Variants in SRGAP3 observed in about 807,000 individuals in gnomAD.
The protein encoded by SRGAP3 is SLIT-ROBO Rho GTPase activating protein 3.
SRGAP3 carries 39 observed loss-of-function variants against 121.1 expected under a neutral mutation model. The ratio of observed to expected loss-of-function variants is 0.32; its 90% CI spans 0.25 to 0.42. The LOEUF (loss-of-function observed/expected upper bound fraction) is 0.42, where lower values mean the gene tolerates loss of function less well. Among genes scored for constraint, SRGAP3 ranks in the 10% least tolerant of loss-of-function variants. SRGAP3 has a pLI of 1.00. For synonymous variants in SRGAP3, 601 were observed against 570.0 expected, an observed-to-expected ratio of 1.05 and a Z score of -0.77; for missense variants, 1,213 against 1,470.6, an observed-to-expected ratio of 0.82 and a Z score of 2.86.
At chr3:9,090,944 C>A (rs1193919079) in intron 3 of SRGAP3, among the ~76,000 whole-genome samples, 1 of 152,080 alleles carries the variant, frequency 6.6e-6, no homozygotes, top group Non-Finnish European at 1.5e-5. Context: ...GCCTGAAAAG[C>A]TCTGTTTTTA....
intron 1 of SRGAP3, among the ~76,000 whole-genome samples, chr3:9,136,830 C>T (rs1949682933): frequency 6.6e-6 from 1 of 152,132 alleles, no homozygotes; most frequent in South Asian, 2.1e-4. Context: ...GAGTCTGCCC[C>T]TCATCAATAG....
At chr3:9,048,615 G>T (rs1945404760) in intron 9 of SRGAP3, among the ~76,000 whole-genome samples, 1 of 152,182 alleles carries the variant, frequency 6.6e-6, no homozygotes, top group South Asian at 2.1e-4. Context: ...AAGGCCTGAA[G>T]TTCAAGACAA....
chr3:9,102,893 T>C (rs1485519497), intron 3 of SRGAP3, among the ~76,000 whole-genome samples: 2 of 152,104 alleles, frequency 1.3e-5, no homozygotes, highest in African/African-American at 4.8e-5. Context: ...TCTCTGTGAG[T>C]CACTCCCACC....
chr3:9,306,646 T>C (rs1955166071), intron 3 of SRGAP3, among the ~76,000 whole-genome samples: 1 of 152,204 alleles, frequency 6.6e-6, no homozygotes, highest in Admixed American at 6.5e-5. Flanking sequence ...CTAGCCAGTT[T>C]TCCCAGCACC....
At chr3:9,067,752 T>A (rs964236749) in intron 4 of SRGAP3, among the ~76,000 whole-genome samples, 3 of 152,162 alleles carry the variant, frequency 2.0e-5, no homozygotes, top group African/African-American at 7.2e-5. Context: ...GGCACACGTT[T>A]ACCTATGTAA....
Position 9,359,035 on chromosome 3 carries a change from A to G in SRGAP3, n.214+3805T>C, listed in dbSNP as rs368685618. Among the ~76,000 whole-genome samples, 4 of 152,334 alleles carry G rather than the reference A, an allele frequency of 2.6e-5. No individual in the cohort carries two copies. The South Asian group carries it at 6.2e-4, about 24-fold the overall frequency. On this transcript the variant is annotated intron_variant and non_coding_transcript_variant, in intron 1 of 3. Transcript: ENST00000490889. ...AAGCTTAACACCATCTTGAGGTTAC[A>G]GAAAGAACACGGACTTGGATCCTGG...
chr3:9,109,938 A>G lies in SRGAP3; in HGVS notation c.261-5096T>C, dbSNP rs1948556094. Among the ~76,000 whole-genome samples, 1 of 152,062 alleles carries G rather than the reference A, an allele frequency of 6.6e-6. No individual in the cohort carries two copies. Among genetic ancestry groups the G allele is most frequent in the African/African-American group, 2.4e-5 (1 of 41,406 alleles). On this transcript the variant is annotated intron_variant, in intron 2 of 21. Coordinates refer to ENST00000383836, the MANE Select transcript of SRGAP3 (RefSeq NM_014850.4). This position sits in a 1 kb window ranked among gnomAD's most constrained non-coding sequence, Gnocchi z 4.4. ...GAGTGAGGACAGCAGGTGAACATGGAGACTGAGGCAGGGGCCACTTGGGAA... is the reference window on the plus strand; with the variant it reads ...GAGTGAGGACAGCAGGTGAACATGGGGACTGAGGCAGGGGCCACTTGGGAA...
At chr3:9,139,864 G>T (rs1261474521) in intron 1 of SRGAP3, among the ~76,000 whole-genome samples, 2 of 152,078 alleles carry the variant, frequency 1.3e-5, no homozygotes, top group Admixed American at 1.3e-4. Context: ...GTCAGCTGAG[G>T]CCTCATGAAG....
intron 3 of SRGAP3, among the ~76,000 whole-genome samples, chr3:9,261,517 G>A (rs964124404): frequency 1.3e-5 from 2 of 151,734 alleles, no homozygotes; most frequent in Non-Finnish European, 2.9e-5. Flanking sequence ...TGACCTGATG[G>A]AACTGAAAAA....
chr3:9,303,579 A>G (rs574678761), intron 3 of SRGAP3, among the ~76,000 whole-genome samples: 2 of 152,318 alleles, frequency 1.3e-5, no homozygotes, highest in African/African-American at 4.8e-5. Context: ...TTGTTGATTT[A>G]GCTAACACTT....
In SRGAP3 at chr3:9,067,006, G is replaced by A. The variant is rs558745597; in HGVS notation, c.487-2425C>T. Reference sequence around the variant, plus strand: ...CAACCTCTCTGACCTCTGCTTCCTCGTCTGTAAAAATGGGATAAAAATTTA... The same window carrying A: ...CAACCTCTCTGACCTCTGCTTCCTCATCTGTAAAAATGGGATAAAAATTTA... On this transcript the variant is annotated intron_variant, in intron 4 of 21. Coordinates refer to ENST00000383836, the MANE Select transcript of SRGAP3 (RefSeq NM_014850.4). Among the ~76,000 whole-genome samples the A allele has an allele frequency of 3.7e-3, 559 of 152,196 alleles. 3 individuals are homozygous for A. The highest frequency in any genetic ancestry group is 0.013 in the African/African-American group (531 of 41,520).
rs147207531 is a variant in SRGAP3 at position 9,303,190 on chromosome 3, C to T, written n.442+22820G>A. Among the ~76,000 whole-genome samples the T allele has an allele frequency of 4.3e-3, 649 of 152,150 alleles. 6 individuals are homozygous for T. The highest frequency in any genetic ancestry group is 0.014 in the African/African-American group (588 of 41,516). On this transcript the variant is annotated intron_variant and non_coding_transcript_variant, in intron 3 of 3. Transcript: ENST00000490889. ...CTGTAATCCCAGCACTTTGGGAGGCCTAGGCGGGCAGATTACTTGAGGCCA... is the reference window on the plus strand; with the variant it reads ...CTGTAATCCCAGCACTTTGGGAGGCTTAGGCGGGCAGATTACTTGAGGCCA...
At chr3:9,002,331 A>G (rs574833566) in intron 18 of SRGAP3, among the ~76,000 whole-genome samples, 39 of 152,358 alleles carry the variant, frequency 2.6e-4, no homozygotes, top group African/African-American at 9.1e-4. Flanking sequence ...ATTATACAGC[A>G]TACTGCTAAA....
chr3:9,319,155 T>C (rs1487949142), intron 3 of SRGAP3, among the ~76,000 whole-genome samples: 1 of 151,934 alleles, frequency 6.6e-6, no homozygotes, highest in African/African-American at 2.4e-5. Context: ...GTGAAGTAGA[T>C]GTCATTCACT....
Position 8,994,584 on chromosome 3 carries a change from T to C in SRGAP3, c.2228-61A>G. Reference sequence around the variant, plus strand: ...TCAGCAAAGTGGCAGCTCAGGAGCCTCACTCAGATGGCCCTGGCTTCTCTG... The same window carrying C: ...TCAGCAAAGTGGCAGCTCAGGAGCCCCACTCAGATGGCCCTGGCTTCTCTG... On this transcript the variant is annotated intron_variant, in intron 18 of 21. Transcript: ENST00000383836. 4.4e-6 allele frequency: 7 copies of C among 1,595,072 alleles called. No individual in the cohort carries two copies. In the South Asian group the frequency reaches 7.7e-5, roughly 18 times the overall value.
chr3:9,096,976 TATATACAC>T (rs1180959298), intron 3 of SRGAP3, among the ~76,000 whole-genome samples: 1 of 85,068 alleles, frequency 1.2e-5, no homozygotes, highest in African/African-American at 5.7e-5. Context: ...TATATATATA[TATATACAC>T]ATACACACAC....
At chr3:8,999,167 C>G (rs489876) in intron 18 of SRGAP3, among the ~76,000 whole-genome samples, 124,187 of 152,184 alleles carry the variant, frequency 0.82, 51,458 homozygotes, top group African/African-American at 0.94. Flanking sequence ...CCCTGAGCTA[C>G]AGGAGAGGTT....
chr3:9,184,895 G>C (rs1467857508), intron 1 of SRGAP3, among the ~76,000 whole-genome samples: 2 of 152,046 alleles, frequency 1.3e-5, no homozygotes, highest in African/African-American at 4.8e-5. Context: ...CCACCCTGTG[G>C]CTTCCACAAT....
intron 1 of SRGAP3, among the ~76,000 whole-genome samples, chr3:9,237,895 G>A (rs1399509837): frequency 6.6e-6 from 1 of 152,232 alleles, no homozygotes; most frequent in Non-Finnish European, 1.5e-5. Context: ...GGCTGCTGTG[G>A]GGAGAGTAGA....
Sources: gnomAD v4.1 joint callset for allele counts (sites outside exome capture counted in the v4.1 genomes callset) on GRCh38, gnomAD v4.1.1 for gene constraint, Gnocchi (gnomAD v3.1) non-coding constraint, MANE v1.5 for transcripts, NCBI Gene and HGNC (gene_info 2026-07-23, HGNC 2026-07-21) for gene names.